Variants in PRKD1 observed in about 807,000 individuals in gnomAD.
The protein encoded by PRKD1 is protein kinase D1, also known as serine/threonine-protein kinase D1.
In PRKD1, 63 loss-of-function variants were observed where a neutral mutation model predicts 95.9. That is an observed-to-expected ratio of 0.66 (90% CI 0.54 to 0.81). The LOEUF is 0.81. PRKD1 is among the 30% of genes least tolerant of loss of function. The probability of loss-of-function intolerance (pLI) is 0.00; values close to 1 mark genes in which losing one functional copy is unlikely to be tolerated. For synonymous variants in PRKD1, 425 were observed against 423.1 expected (o/e 1.00, Z -0.05); for missense variants, 1,048 against 1,165.3 (o/e 0.90, Z 1.47).
intron 2 of PRKD1, among the ~76,000 whole-genome samples, chr14:29,688,408 C>G (rs1424788418): frequency 6.6e-6 from 1 of 152,054 alleles, no homozygotes; most frequent in Non-Finnish European, 1.5e-5. Flanking sequence ...CAGCCCACTG[C>G]ACAACTTTAT....
At chr14:29,787,638 A>G (rs1464245294) in intron 1 of PRKD1, among the ~76,000 whole-genome samples, 1 of 152,134 alleles carries the variant, frequency 6.6e-6, no homozygotes, top group African/African-American at 2.4e-5. Context: ...GTATAATATT[A>G]TTATAGCTAC....
rs188046337 is a variant in PRKD1 at position 29,879,772 on chromosome 14, G to C, written c.264+47477C>G. Among the ~76,000 whole-genome samples, 22 of 152,292 alleles carry C rather than the reference G, an allele frequency of 1.4e-4. No individual in the cohort carries two copies. In the East Asian group the frequency reaches 2.7e-3, roughly 19 times the overall value. On this transcript the variant is annotated intron_variant, in intron 1 of 17. Transcript: ENST00000331968. ...TAAGGTCCAGGCTGAGGTGGTCTCA[G>C]ATGGAGATGAGGAACTTGTTGGGAA...
At chr14:29,724,514 T>C (rs978539374) in intron 2 of PRKD1, among the ~76,000 whole-genome samples, 1 of 152,184 alleles carries the variant, frequency 6.6e-6, no homozygotes, top group Admixed American at 6.6e-5. Context: ...ATCTACACAA[T>C]GAAGTTGTGG....
intron 1 of PRKD1, among the ~76,000 whole-genome samples, chr14:29,766,578 C>T (rs1024691161): frequency 6.6e-6 from 1 of 152,134 alleles, no homozygotes; most frequent in Non-Finnish European, 1.5e-5. Context: ...TAACTGTTCT[C>T]AACCTCAGCA....
intron 4 of PRKD1, among the ~76,000 whole-genome samples, chr14:29,646,375 T>C (rs528698628): frequency 6.6e-6 from 1 of 152,250 alleles, no homozygotes; most frequent in Non-Finnish European, 1.5e-5. Context: ...TTTAAATAAC[T>C]AGAAGAGTAT....
At chr14:29,758,244 A>C (rs573627925) in intron 1 of PRKD1, among the ~76,000 whole-genome samples, 2 of 152,140 alleles carry the variant, frequency 1.3e-5, no homozygotes, top group African/African-American at 4.8e-5. Context: ...GAAGAAAAAG[A>C]GGGAAGTGGT....
chr14:29,829,657 T>C (rs1891328289), intron 1 of PRKD1, among the ~76,000 whole-genome samples: 1 of 152,164 alleles, frequency 6.6e-6, no homozygotes, highest in Non-Finnish European at 1.5e-5. Context: ...CATAACATAG[T>C]ATTTCTCCAC....
chr14:29,749,394 C>G (rs45442991), intron 1 of PRKD1, among the ~76,000 whole-genome samples: 1 of 152,082 alleles, frequency 6.6e-6, no homozygotes, highest in Non-Finnish European at 1.5e-5. Flanking sequence ...GAATATATGC[C>G]GGCTATGTCT....
In PRKD1 at chr14:29,852,548, G is replaced by C. The variant is rs529217116; in HGVS notation, c.264+74701C>G. On this transcript the variant is annotated intron_variant, in intron 1 of 17. Coordinates refer to ENST00000331968, the MANE Select transcript of PRKD1 (RefSeq NM_002742.3). ...GTACCAGAAGGAGGAGAGAGAGAGAGAGAGAGAAAGAGAGGCATAAAGAGT... is the reference window on the plus strand; with the variant it reads ...GTACCAGAAGGAGGAGAGAGAGAGACAGAGAGAAAGAGAGGCATAAAGAGT... Among the ~76,000 whole-genome samples the C allele has an allele frequency of 1.6e-4, 24 of 151,500 alleles. 1 individual carries two copies. The South Asian group carries it at 5.0e-3, about 32-fold the overall frequency.
intron 1 of PRKD1, among the ~76,000 whole-genome samples, chr14:29,921,321 G>C (rs1895097034): frequency 6.6e-6 from 1 of 151,800 alleles, no homozygotes; most frequent in African/African-American, 2.4e-5. Context: ...GCAGGAAAAA[G>C]ATGTCACCTG....
chr14:29,698,568 A>G (rs45609631), intron 2 of PRKD1, among the ~76,000 whole-genome samples: 10,492 of 152,090 alleles, frequency 0.069, 928 homozygotes, highest in African/African-American at 0.2. Context: ...TCTAATAATG[A>G]AACTCTAAAA....
At chr14:29,846,143 C>A (rs12323672) in intron 1 of PRKD1, among the ~76,000 whole-genome samples, 16,308 of 152,102 alleles carry the variant, frequency 0.11, 981 homozygotes, top group East Asian at 0.25. Flanking sequence ...AAACTAAAAT[C>A]AACATTTACT....
chr14:29,921,980 CTG>C (rs1895128213), intron 1 of PRKD1, among the ~76,000 whole-genome samples: 1 of 152,196 alleles, frequency 6.6e-6, no homozygotes, highest in Admixed American at 6.5e-5. Flanking sequence ...CTTGTGAAAA[CTG>C]TCAAATAGTA....
chr14:29,603,243 T>C (rs954692101), intron 13 of PRKD1, among the ~76,000 whole-genome samples: 1 of 152,220 alleles, frequency 6.6e-6, no homozygotes, highest in African/African-American at 2.4e-5. Context: ...GCGAAGTGAT[T>C]TTGCTTTATC....
chr14:29,788,502 G>T (rs1889374813), intron 1 of PRKD1, among the ~76,000 whole-genome samples: 1 of 152,058 alleles, frequency 6.6e-6, no homozygotes, highest in Non-Finnish European at 1.5e-5. Flanking sequence ...TTGTTAAATA[G>T]GTTTTCTATG....
chr14:29,710,440 A>T (rs780902352), intron 2 of PRKD1, among the ~76,000 whole-genome samples: 2 of 152,122 alleles, frequency 1.3e-5, no homozygotes, highest in Non-Finnish European at 1.5e-5. Context: ...CTGTAACCCT[A>T]GTTTAATTAT....
At chr14:29,732,238 T>C (rs1013672576) in intron 1 of PRKD1, among the ~76,000 whole-genome samples, 2 of 152,218 alleles carry the variant, frequency 1.3e-5, no homozygotes, top group African/African-American at 4.8e-5. Context: ...TTAAGGATAC[T>C]AGCTTACCAA....
intron 1 of PRKD1, among the ~76,000 whole-genome samples, chr14:29,755,279 C>A: frequency 6.6e-6 from 1 of 151,946 alleles, no homozygotes; most frequent in East Asian, 1.9e-4. Context: ...AAAGTGTTTT[C>A]CCATATCTAC....
At chr14:29,639,278 A>C (rs1880596559) in intron 4 of PRKD1, among the ~76,000 whole-genome samples, 1 of 152,224 alleles carries the variant, frequency 6.6e-6, no homozygotes, top group Non-Finnish European at 1.5e-5. Context: ...ACATGGTTAG[A>C]AAATGCAAGC....
Sources: allele counts gnomAD v4.1 joint callset (sites outside exome capture counted in the v4.1 genomes callset), GRCh38; gene constraint gnomAD v4.1.1; transcripts MANE v1.5; gene names NCBI Gene and HGNC (gene_info 2026-07-23, HGNC 2026-07-21).